Variants in RALGAPA1 observed in about 807,000 individuals in gnomAD.
RALGAPA1 encodes the protein Ral GTPase activating protein catalytic subunit alpha 1.
A neutral mutation model predicts 269.6 loss-of-function variants in RALGAPA1; 52 were observed. The ratio of observed to expected loss-of-function variants is 0.19; its 90% CI spans 0.15 to 0.24. The LOEUF is 0.24. Among genes scored for constraint, RALGAPA1 ranks in the 10% least tolerant of loss-of-function variants. The pLI is 1.00. For synonymous variants in RALGAPA1, 817 were observed against 1,008.3 expected (o/e 0.81, Z 3.60); for missense variants, 1,917 against 3,013.9 (o/e 0.64, Z 8.52).
intron 8 of RALGAPA1, 36 bp from the exon 9 acceptor site, chr14:35,750,726 A>G (rs1376975316): frequency 6.7e-7 from 1 of 1,503,180 alleles, no homozygotes; most frequent in East Asian, 2.3e-5. Flanking sequence ...AACCAAAATA[A>G]GAAAGAAATT....
chr14:35,692,506 C>G (rs1252799966), intron 17 of RALGAPA1, among the ~76,000 whole-genome samples: 1 of 143,554 alleles, frequency 7.0e-6, no homozygotes, highest in Admixed American at 6.9e-5. Flanking sequence ...TTTTTTTTTT[C>G]CTAAAACTTG....
intron 8 of RALGAPA1, among the ~76,000 whole-genome samples, chr14:35,751,815 A>C (rs1020423505): frequency 6.6e-5 from 10 of 151,658 alleles, no homozygotes; most frequent in Middle Eastern, 3.4e-3. Context: ...ACAACAACAA[A>C]AAAAAACAAA....
intron 38 of RALGAPA1, 39 bp downstream of exon 38, chr14:35,572,521 C>A (rs1010880883): frequency 2.6e-6 from 4 of 1,530,764 alleles, no homozygotes; most frequent in South Asian, 1.3e-5. Context: ...CCTATAGAAC[C>A]AAAATCTATT....
intron 35 of RALGAPA1, among the ~76,000 whole-genome samples, chr14:35,621,734 A>G (rs963713052): frequency 2.0e-5 from 3 of 152,258 alleles, no homozygotes; most frequent in Non-Finnish European, 4.4e-5. Flanking sequence ...AAAAGAAGAC[A>G]TCTATGCAAC....
chr14:35,638,118 T>C (rs1393957270), intron 31 of RALGAPA1, among the ~76,000 whole-genome samples: 1 of 152,146 alleles, frequency 6.6e-6, no homozygotes, highest in Non-Finnish European at 1.5e-5. Flanking sequence ...AGTAAGAAAT[T>C]ATCTGAAGGT....
chr14:35,707,002 T>C (rs1433876920), intron 16 of RALGAPA1: 1 of 152,230 alleles, frequency 6.6e-6, no homozygotes, highest in African/African-American at 2.4e-5. Context: ...TCAACTTATT[T>C]ATTCTTTGAT....
At chr14:35,701,824 T>A (rs1388406048) in intron 16 of RALGAPA1, among the ~76,000 whole-genome samples, 9 of 151,882 alleles carry the variant, frequency 5.9e-5, no homozygotes, top group Admixed American at 5.9e-4. Context: ...TTTTTCTCTA[T>A]TTTTAGTGGA....
intron 41 of RALGAPA1, among the ~76,000 whole-genome samples, chr14:35,544,123 T>A (rs2054253266): frequency 6.6e-6 from 1 of 152,188 alleles, no homozygotes; most frequent in Admixed American, 6.5e-5. Flanking sequence ...TTTATATGGA[T>A]AACAACTGGC....
rs1267716747 is a variant in RALGAPA1 at position 35,609,940 on chromosome 14, A to C, written c.6930-4231T>G. 2.0e-5 allele frequency among the ~76,000 whole-genome samples: 3 copies of C among 151,392 alleles called. 1 individual carries two copies. Among genetic ancestry groups the C allele is most frequent in the South Asian group, 4.2e-4 (2 of 4,810 alleles). On this transcript the variant is annotated intron_variant, in intron 35 of 41. Coordinates refer to ENST00000680220, the MANE Select transcript of RALGAPA1 (RefSeq NM_001346249.2). Reference sequence around the variant, plus strand: ...GAGACCCTGTCTCCAAAAAAAAAAAAAAAGAAAAAAAGAAAGCACAATTAA... The same window carrying C: ...GAGACCCTGTCTCCAAAAAAAAAAACAAAGAAAAAAAGAAAGCACAATTAA...
chr14:35,570,526 A>G, intron 39 of RALGAPA1, 91 bp downstream of exon 39: 1 of 1,052,050 alleles, frequency 9.5e-7, no homozygotes, highest in Non-Finnish European at 1.3e-6. Flanking sequence ...AAACCCTAGA[A>G]AATAAAAGGC....
At chr14:35,643,184 G>C (rs1362457075) in intron 31 of RALGAPA1, among the ~76,000 whole-genome samples, 1 of 152,008 alleles carries the variant, frequency 6.6e-6, no homozygotes, top group African/African-American at 2.4e-5. Flanking sequence ...GCCTTTCGAG[G>C]GGTGGGGGGA....
rs1047086027 is a variant in RALGAPA1 at position 35,677,805 on chromosome 14, A to C, written c.4624+145T>G. 8.6e-6 allele frequency: 6 copies of C among 701,610 alleles called. No homozygotes were observed. In the African/African-American group the frequency reaches 9.3e-5, roughly 11 times the overall value. 43.5% of individuals were successfully genotyped at this position (701,610 alleles called of 1,614,324 possible). ...TATCTTTAAGAACAAGAAAAAAGTT[A>C]CATTAACAAATTTCCAAAGGACTTA... On this transcript the variant is annotated intron_variant, in intron 22 of 41. Coordinates refer to ENST00000680220, the MANE Select transcript of RALGAPA1 (RefSeq NM_001346249.2).
chr14:35,800,218 A>T (rs1310163586), intron 1 of RALGAPA1, among the ~76,000 whole-genome samples: 1 of 152,224 alleles, frequency 6.6e-6, no homozygotes, highest in Non-Finnish European at 1.5e-5. Flanking sequence ...AGAAGACTTG[A>T]ACAACACTAA....
At chr14:35,614,317 A>C (rs2060123007) in intron 35 of RALGAPA1, among the ~76,000 whole-genome samples, 1 of 152,186 alleles carries the variant, frequency 6.6e-6, no homozygotes, top group Non-Finnish European at 1.5e-5. Flanking sequence ...AACCAACTGA[A>C]ATGTCCATCG....
chr14:35,752,427 T>C (rs2072803764), intron 7 of RALGAPA1, among the ~76,000 whole-genome samples: 1 of 152,166 alleles, frequency 6.6e-6, no homozygotes, highest in South Asian at 2.1e-4. Context: ...GACAAAAATA[T>C]TAAAGTTCTT....
intron 16 of RALGAPA1, among the ~76,000 whole-genome samples, chr14:35,712,128 T>A (rs1295753521): frequency 6.6e-6 from 1 of 150,862 alleles, no homozygotes; most frequent in African/African-American, 2.4e-5. Context: ...ACACCTGTAA[T>A]CCTAGCTACT....
intron 28 of RALGAPA1, among the ~76,000 whole-genome samples, chr14:35,658,933 G>A (rs1450288217): frequency 6.6e-6 from 1 of 151,762 alleles, no homozygotes; most frequent in Admixed American, 6.6e-5. Context: ...ACTGAAAAAG[G>A]TGACTAGGAT....
At chr14:35,691,703 T>A (rs536567695) in intron 17 of RALGAPA1, among the ~76,000 whole-genome samples, 11 of 152,340 alleles carry the variant, frequency 7.2e-5, no homozygotes, top group African/African-American at 2.6e-4. Flanking sequence ...CATATCACCC[T>A]ATTTGTATGA....
At chr14:35,766,515 C>T (rs1251996408) in intron 4 of RALGAPA1, 2 of 1,206,600 alleles carry the variant, frequency 1.7e-6, no homozygotes, top group African/African-American at 3.0e-5. Context: ...TGTCTGCTAC[C>T]ATCTATTGTG....
Sources: allele counts gnomAD v4.1 joint callset (sites outside exome capture counted in the v4.1 genomes callset), GRCh38; gene constraint gnomAD v4.1.1; transcripts MANE v1.5; gene names NCBI Gene and HGNC (gene_info 2026-07-23, HGNC 2026-07-21).